Variants in SELENOO observed in about 807,000 individuals in gnomAD.
SELENOO encodes protein adenylyltransferase SelO, mitochondrial.
A neutral mutation model predicts 58.7 loss-of-function variants in SELENOO; 74 were observed. That is an observed-to-expected ratio of 1.26 (90% CI 1.04 to 1.53). The LOEUF (loss-of-function observed/expected upper bound fraction) is 1.53. Among genes scored for constraint, SELENOO ranks in the 40% most tolerant of loss-of-function variants. The pLI is 0.00. For missense variants in SELENOO, 1,149 were observed against 970.0 expected (o/e 1.18, Z -2.45); for synonymous variants, 543 against 453.2 (o/e 1.20, Z -2.52).
chr22:50,217,160 GA>G, intron 8 of SELENOO, 32 bp downstream of exon 8: 1 of 1,611,114 alleles, frequency 6.2e-7, no homozygotes. Flanking sequence ...TGGTCCCTGG[GA>G]GGGGGGTCGG....
At chr22:50,207,905 G>GA (rs917980326) in intron 2 of SELENOO, among the ~76,000 whole-genome samples, 2 of 146,828 alleles carry the variant, frequency 1.4e-5, no homozygotes, top group Non-Finnish European at 1.5e-5. Flanking sequence ...AAGACCTGCC[G>GA]AAAACACTCC....
chr22:50,212,527 CAGG>C (rs1015145583), intron 5 of SELENOO, among the ~76,000 whole-genome samples: 12 of 152,222 alleles, frequency 7.9e-5, no homozygotes, highest in Non-Finnish European at 1.8e-4. Context: ...ACAGCTGACG[CAGG>C]AGCAGTGCTG....
At position 50,206,420 on chromosome 22, in the gene SELENOO, G is replaced by A. The variant is rs201408834; in HGVS notation, c.658G>A (p.Val220Ile). ...CCCCACCACACGGGCCGGCGCCTGC[G>A]TCACGTCCGAGTCCACGGTGGTGCG... is the stretch of plus-strand genomic sequence containing the variant. Reference protein sequence around the residue: ...GVPTTRAGACVTSESTVVRDV... With the variant: ...GVPTTRAGACITSESTVVRDV... The change falls in exon 2 of 9, where the codon GTC becomes ATC. Residue 220 changes from valine (V) to isoleucine (I), a missense_variant. Physicochemically the swap from Val to Ile is conservative, Grantham distance 29. Coordinates refer to ENST00000380903, the MANE Select transcript of SELENOO (RefSeq NM_031454.2). 1.9e-5 allele frequency: 31 copies of A among 1,614,038 alleles called. 1 individual carries two copies. The highest frequency in any genetic ancestry group is 1.5e-4 in the South Asian group (14 of 91,086).
At chr22:50,202,612 C>T (rs1056348594) in intron 1 of SELENOO, among the ~76,000 whole-genome samples, 2 of 151,814 alleles carry the variant, frequency 1.3e-5, no homozygotes, top group Non-Finnish European at 2.9e-5. Context: ...TCATCTTAAA[C>T]TTTATGTTTT....
chr22:50,215,570 T>C (rs2064400005), intron 5 of SELENOO, 147 bp from the exon 6 acceptor site: 4 of 520,330 alleles, frequency 7.7e-6, no homozygotes, highest in African/African-American at 6.8e-5. Flanking sequence ...TGTGGATCCG[T>C]GCTGGCGGTG....
At chr22:50,207,237 C>T (rs1035206105) in intron 2 of SELENOO, among the ~76,000 whole-genome samples, 2 of 152,100 alleles carry the variant, frequency 1.3e-5, no homozygotes, top group African/African-American at 4.8e-5. Context: ...ATTCTCCTAC[C>T]TCAGTCCCCC....
rs2064348480 is a variant in SELENOO, at chr22:50,208,661, TC to T, written c.886del (p.Gln296ArgfsTer19). On this transcript the variant is annotated frameshift_variant, in exon 3 of 9. Transcript: ENST00000380903. LOFTEE classifies it high-confidence loss of function. ...DYVISSFYPE[I>X]QAAHASDSVQ... ...GTCATCAGCTCCTTTTACCCCGAGA[TC>T]CAGGCTGCTCATGCCAGCGACAGCG... 1.2e-6 allele frequency: 2 copies of T among 1,613,694 alleles called. No individual in the cohort carries two copies. The highest frequency in any genetic ancestry group is 1.3e-5 in the African/African-American group (1 of 75,038).
chr22:50,215,186 G>A (rs551615278), intron 5 of SELENOO, among the ~76,000 whole-genome samples: 1 of 152,300 alleles, frequency 6.6e-6, no homozygotes, highest in East Asian at 1.9e-4. Context: ...GCCTTTTGCA[G>A]GCGGGTTACA....
Position 50,217,303 on chromosome 22 carries a change from G to T in SELENOO, c.1944G>T (p.Arg648Ser), listed in dbSNP as rs773450156. 6.2e-7 allele frequency: 1 copy of T among 1,612,662 alleles called. No individual in the cohort carries two copies. The highest frequency in any genetic ancestry group is 1.7e-5 in the Admixed American group (1 of 59,938). The change falls in exon 9 of 9, where the codon AGG becomes AGT. Residue 648 changes from arginine (R) to serine (S), a missense_variant. Transcript: ENST00000380903. ...CGGAAGCCGACGGGGCGGACGGCAG[G>T]CAGCGCTCCTACAGCAGTAAGCCCC... ...EATEADGADG[R>S]QRSYSSKPPL... is the part of the protein sequence containing the mutation.
At position 50,206,367 on chromosome 22, in the gene SELENOO, G is replaced by C; in HGVS notation, c.605G>C (p.Cys202Ser). Residue 202 changes from cysteine to serine, a missense_variant, in exon 2 of 9, where the codon TGC becomes TCC. Coordinates refer to ENST00000380903, the MANE Select transcript of SELENOO (RefSeq NM_031454.2). Reference sequence around the variant, plus strand: ...CGGTCAAGCATCCGGGAGTTTCTATGCAGCGAAGCCATGTTCCACCTGGGA... The same window carrying C: ...CGGTCAAGCATCCGGGAGTTTCTATCCAGCGAAGCCATGTTCCACCTGGGA... ...VLRSSIREFL[C>S]SEAMFHLGVP... 1 of 1,614,136 alleles carries C rather than the reference G, an allele frequency of 6.2e-7. No homozygotes were observed. Among genetic ancestry groups the C allele is most frequent in the South Asian group, 1.1e-5 (1 of 91,082 alleles).
chr22:50,215,683 C>T (rs559835575), intron 5 of SELENOO, 34 bp from the exon 6 acceptor site: 8 of 1,505,804 alleles, frequency 5.3e-6, no homozygotes, highest in South Asian at 3.6e-5. Flanking sequence ...CCTGGGCCTT[C>T]TGCTTCCAGC....
At position 50,216,651 on chromosome 22, in the gene SELENOO, G is replaced by T. The variant is rs549881286; in HGVS notation, c.1503-40G>T. 4 of 1,531,318 alleles carry T rather than the reference G, an allele frequency of 2.6e-6. No individual in the cohort carries two copies. In the African/African-American group the frequency reaches 5.5e-5, roughly 21 times the overall value. The allele number at this position is 1,531,318 out of a possible 1,614,324, so 94.9% of individuals were successfully genotyped here. A position where few individuals can be genotyped will look rare whatever the true frequency, so the allele number is the denominator to read the frequency against. On this transcript the variant is annotated intron_variant, in intron 6 of 8. Transcript: ENST00000380903. ...GCAGCTGCCTGCAGGGCAGGGACACGGTCAGGGGCTACCTCCCAGACACCC... is the reference window on the plus strand; with the variant it reads ...GCAGCTGCCTGCAGGGCAGGGACACTGTCAGGGGCTACCTCCCAGACACCC...
At chr22:50,206,593 T>C (rs536676241) in intron 2 of SELENOO, 73 bp downstream of exon 2, 3 of 1,372,150 alleles carry the variant, frequency 2.2e-6, no homozygotes, top group Admixed American at 4.3e-5. Context: ...CCTGTGCTGC[T>C]AGGATTCTGG....
chr22:50,217,327 C>A lies in SELENOO; in HGVS notation c.1968C>A (p.Pro656=). 1 of 1,612,966 alleles carries A rather than the reference C, an allele frequency of 6.2e-7. No individual in the cohort carries two copies. The highest frequency in any genetic ancestry group is 1.6e-4 in the Middle Eastern group (1 of 6,062). ...DGRQRSYSSK[P]PLWAAELCVT... is the part of the protein sequence containing the mutation. Reference sequence around the variant, plus strand: ...GGCAGCGCTCCTACAGCAGTAAGCCCCCGCTCTGGGCAGCAGAACTGTGCG... The same window carrying A: ...GGCAGCGCTCCTACAGCAGTAAGCCACCGCTCTGGGCAGCAGAACTGTGCG... Residue 656 remains proline, a synonymous_variant, in exon 9 of 9, where the codon CCC becomes CCA. Coordinates refer to ENST00000380903, the MANE Select transcript of SELENOO (RefSeq NM_031454.2).
chr22:50,217,576 G>T lies in SELENOO; in HGVS notation c.*207G>T. 1 of 950,420 alleles carries T rather than the reference G, an allele frequency of 1.1e-6. No homozygotes were observed. 58.9% of individuals were successfully genotyped at this position (950,420 alleles called of 1,614,324 possible). On this transcript the variant is annotated 3_prime_UTR_variant, in exon 9 of 9. Transcript: ENST00000380903. ...TCAGCAGTGCAGCCTGGTCCCTGGG[G>T]GCTGGACCCAGGCTCCTAAATAAAC...
At chr22:50,203,703 G>A (rs1186523754) in intron 1 of SELENOO, among the ~76,000 whole-genome samples, 3 of 152,188 alleles carry the variant, frequency 2.0e-5, no homozygotes, top group Non-Finnish European at 4.4e-5. Flanking sequence ...CACCATGAAC[G>A]AAGTTAAGAG....
chr22:50,216,958 G>A lies in SELENOO; in HGVS notation c.1689-14G>A, dbSNP rs372525311. On this transcript the variant is annotated splice_polypyrimidine_tract_variant and intron_variant, in intron 7 of 8. Coordinates refer to ENST00000380903, the MANE Select transcript of SELENOO (RefSeq NM_031454.2). ...CAGCCCGGCTGTGACTCCAGAGCCC[G>A]GATGTCATTCCAGAGCCCGGCTGGA... 3.2e-5 allele frequency: 51 copies of A among 1,606,762 alleles called. No individual in the cohort carries two copies. Among genetic ancestry groups the A allele is most frequent in the Admixed American group, 1.3e-4 (8 of 59,868 alleles).
chr22:50,214,235 G>C (rs1052888826), intron 5 of SELENOO, among the ~76,000 whole-genome samples: 5 of 152,152 alleles, frequency 3.3e-5, no homozygotes, highest in African/African-American at 4.8e-5. Context: ...TCCACTTCTT[G>C]TGCTCTAGTT....
exon 9 of SELENOO, chr22:50,217,615 G>GAGTC: frequency 1.9e-6 from 2 of 1,071,406 alleles, no homozygotes. Context: ...CAACTCCCTC[G>GAGTC]AGTCTGTCTC....
Sources: allele counts gnomAD v4.1 joint callset (sites outside exome capture counted in the v4.1 genomes callset), GRCh38; gene constraint gnomAD v4.1.1; transcripts MANE v1.5; gene names NCBI Gene and HGNC (gene_info 2026-07-23, HGNC 2026-07-21).